REPS2: variants seen among roughly 807,000 people sequenced by gnomAD.
REPS2 encodes the protein ralBP1-associated Eps domain-containing protein 2.
REPS2 carries 23 observed loss-of-function variants against 53.6 expected under a neutral mutation model. The ratio of observed to expected loss-of-function variants is 0.43; its 90% CI spans 0.31 to 0.61. The LOEUF (loss-of-function observed/expected upper bound fraction) is 0.61. Among genes scored for constraint, REPS2 ranks in the 20% least tolerant of loss-of-function variants. The pLI is 0.11. For missense variants in REPS2, 446 were observed against 534.9 expected, an observed-to-expected ratio of 0.83 and a Z score of 1.64; for synonymous variants, 238 against 218.6, an observed-to-expected ratio of 1.09 and a Z score of -0.78.
chrX:17,135,525 A>G (rs948709588), intron 16 of REPS2, 119 bp downstream of exon 16: 19 of 838,388 alleles, frequency 2.3e-5, no homozygotes, highest in African/African-American at 1.2e-4. Flanking sequence ...TTGTAAGTTT[A>G]TCTTGCTCAT....
chrX:17,043,275 C>T (rs1027791593), intron 5 of REPS2, among the ~76,000 whole-genome samples: 1 of 111,309 alleles, frequency 9.0e-6, no homozygotes, highest in African/African-American at 3.3e-5. Context: ...TGTCCTAAGG[C>T]CTTTCTAGGT....
chrX:17,190,240 A>G, the REPS2 span, among the ~76,000 whole-genome samples: 10 of 112,376 alleles, frequency 8.9e-5, no homozygotes, highest in African/African-American at 3.2e-4. Context: ...GGAAAATCCT[A>G]AAGAATCTAC....
intron 1 of REPS2, among the ~76,000 whole-genome samples, chrX:16,963,355 T>A (rs1399053199): frequency 1.8e-5 from 2 of 112,305 alleles, no homozygotes; most frequent in Non-Finnish European, 3.8e-5. Context: ...GGTTAACATA[T>A]CTTCTGGAAA....
At chrX:17,083,275 G>A (rs1024082818) in intron 13 of REPS2, among the ~76,000 whole-genome samples, 4 of 109,252 alleles carry the variant, frequency 3.7e-5, no homozygotes, top group Non-Finnish European at 7.6e-5. Flanking sequence ...TAGTAGAGAC[G>A]GGGTTTCACC....
At chrX:17,071,692 A>C (rs779206916) in intron 11 of REPS2, among the ~76,000 whole-genome samples, 1 of 111,656 alleles carries the variant, frequency 9.0e-6, no homozygotes, top group Non-Finnish European at 1.9e-5. Flanking sequence ...GTGGTGATTT[A>C]GAATTCTGGA....
chrX:17,194,506 T>C, the REPS2 span, among the ~76,000 whole-genome samples: 3 of 112,269 alleles, frequency 2.7e-5, no homozygotes, highest in Non-Finnish European at 5.6e-5. Flanking sequence ...ATGATTCCAT[T>C]TATATAATAT....
chrX:17,103,680 G>T (rs374496102), intron 13 of REPS2, 38 bp from the exon 14 acceptor site: 1 of 1,165,505 alleles, frequency 8.6e-7, no homozygotes, highest in Non-Finnish European at 1.2e-6. Flanking sequence ...GTTTATTTTT[G>T]GGGGGTGATC....
chrX:17,087,095 A>G (rs1242697373), intron 13 of REPS2, among the ~76,000 whole-genome samples: 2 of 112,442 alleles, frequency 1.8e-5, no homozygotes, highest in Non-Finnish European at 3.8e-5. Context: ...CTTTTCAGTC[A>G]AATCCTATTC....
rs1230661512 is a variant in REPS2, at chrX:17,077,411, A to G, written c.1516+4A>G. On this transcript the variant is annotated splice_donor_region_variant and intron_variant, in intron 13 of 17. Coordinates refer to ENST00000357277, the MANE Select transcript of REPS2 (RefSeq NM_004726.3). ...GTCTTCCAGCCCAGTGTGCCAGGTG[A>G]AGTGCCCCTTGCCCCCTGAGCCCTT... 2 of 1,193,895 alleles carry G rather than the reference A, an allele frequency of 1.7e-6. No homozygotes were observed. The highest frequency in any genetic ancestry group is 3.7e-5 in the South Asian group (2 of 53,443).
intron 6 of REPS2, among the ~76,000 whole-genome samples, chrX:17,049,303 A>G (rs778323639): frequency 8.9e-6 from 1 of 112,337 alleles, no homozygotes; most frequent in Admixed American, 9.4e-5. Flanking sequence ...GTATTCCAGA[A>G]GAAGGCATTG....
intron 10 of REPS2, 21 bp from the exon 11 acceptor site, chrX:17,069,919 T>TA: frequency 9.5e-7 from 1 of 1,048,409 alleles, no homozygotes. Flanking sequence ...TCTTTTTGCT[T>TA]AAAAAACAAA....
At chrX:17,126,975 T>A (rs1006511334) in intron 14 of REPS2, among the ~76,000 whole-genome samples, 1 of 112,348 alleles carries the variant, frequency 8.9e-6, no homozygotes, top group African/African-American at 3.2e-5. Context: ...GTTCTAGCAC[T>A]GCTTTATGAT....
rs1404723357 is a variant in REPS2, at chrX:17,047,422, C to G, written c.847C>G (p.Arg283Gly). 8.3e-7 allele frequency: 1 copy of G among 1,210,575 alleles called. No individual in the cohort carries two copies. Among genetic ancestry groups the G allele is most frequent in the East Asian group, 3.0e-5 (1 of 33,806 alleles). Residue 283 changes from arginine to glycine, a missense_variant, in exon 6 of 18, where the codon CGC becomes GGC. By Grantham distance (125) the Arg-to-Gly change is moderately radical. Transcript: ENST00000357277. Reference protein sequence around the residue: ...DEPWRITEEQREYYVNQFRSL... With the variant: ...DEPWRITEEQGEYYVNQFRSL... Reference sequence around the variant, plus strand: ...ACCCTGGAGGATAACAGAAGAACAGCGCGAGTACTATGTCAATCAGTTCCG... The same window carrying G: ...ACCCTGGAGGATAACAGAAGAACAGGGCGAGTACTATGTCAATCAGTTCCG...
chrX:17,186,946 T>TAGGAG, the REPS2 span, among the ~76,000 whole-genome samples: 2 of 109,637 alleles, frequency 1.8e-5, no homozygotes, highest in East Asian at 5.8e-4. Flanking sequence ...AGGAGGAGGG[T>TAGGAG]GAGGGATAAA....
chrX:16,965,358 G>C (rs1448311979), intron 1 of REPS2, among the ~76,000 whole-genome samples: 1 of 111,084 alleles, frequency 9.0e-6, no homozygotes, highest in Non-Finnish European at 1.9e-5. Flanking sequence ...CTGGCCGGGC[G>C]GGGGGCTGAC....
chrX:16,956,035 C>G (rs969199953), intron 1 of REPS2, among the ~76,000 whole-genome samples: 2 of 111,446 alleles, frequency 1.8e-5, no homozygotes, highest in African/African-American at 6.5e-5. Context: ...AGTCTTTAGG[C>G]AATTGTTTTT....
the REPS2 span, among the ~76,000 whole-genome samples, chrX:17,196,109 C>T: frequency 3.9e-4 from 43 of 111,616 alleles, 1 homozygote; most frequent in Admixed American, 3.9e-3. Flanking sequence ...TGTTCTTCTG[C>T]CATTAAGATT....
At chrX:17,128,964 A>G (rs2063256182) in intron 14 of REPS2, among the ~76,000 whole-genome samples, 1 of 112,725 alleles carries the variant, frequency 8.9e-6, no homozygotes, top group Admixed American at 9.3e-5. Context: ...GACTGGGTAC[A>G]TGTTGTTACA....
chrX:17,182,121 T>C, the REPS2 span, among the ~76,000 whole-genome samples: 1 of 107,774 alleles, frequency 9.3e-6, no homozygotes, highest in East Asian at 2.9e-4. Context: ...ATACATCTTC[T>C]ACCTAGTGTG....
Sources: gnomAD v4.1 joint callset for allele counts (sites outside exome capture counted in the v4.1 genomes callset) on GRCh38, gnomAD v4.1.1 for gene constraint, MANE v1.5 for transcripts, NCBI Gene and HGNC (gene_info 2026-07-23, HGNC 2026-07-21) for gene names.